TAF4: variants seen among roughly 807,000 people sequenced by gnomAD.
The protein encoded by TAF4 is TATA-box binding protein associated factor 4, also known as transcription initiation factor TFIID subunit 4.
In TAF4, 9 loss-of-function variants were observed where a neutral mutation model predicts 90.3. The ratio of observed to expected loss-of-function variants is 0.10; its 90% CI spans 0.06 to 0.17. TAF4 has a LOEUF of 0.17. TAF4 is among the 10% of genes least tolerant of loss of function. TAF4 has a pLI of 1.00. For missense variants in TAF4, 1,351 were observed against 1,370.7 expected (o/e 0.99, Z 0.23); for synonymous variants, 818 against 638.9 (o/e 1.28, Z -4.23).
chr20:62,030,494 A>G (rs1292025471), intron 1 of TAF4, among the ~76,000 whole-genome samples: 1 of 152,194 alleles, frequency 6.6e-6, no homozygotes, highest in African/African-American at 2.4e-5. Flanking sequence ...AGCAGTGCCC[A>G]TTTCGGCTTT....
chr20:62,065,230 G>A lies in TAF4; in HGVS notation c.581C>T (p.Ala194Val), dbSNP rs1438158911. ...PGPGKPAGPG[A>V]AQTLNGSAAL... ...GGCGCTCCCATTCAAAGTTTGCGCG[G>A]CGCCGGGGCCGGCGGGCTTGCCAGG... Residue 194 changes from alanine (A) to valine (V), a missense_variant, in exon 1 of 15, where the codon GCC becomes GTC. Ala to Val is a moderately conservative substitution (Grantham distance 64). This residue lies in a region of TAF4 where 782 missense variants were observed against 536.6 expected (regional missense o/e 1.46). Transcript: ENST00000252996. The A allele has an allele frequency of 3.3e-5, 37 of 1,126,706 alleles. No individual in the cohort carries two copies. Among genetic ancestry groups the A allele is most frequent in the Middle Eastern group, 4.0e-4 (1 of 2,472 alleles). The allele number at this position is 1,126,706 out of a possible 1,614,324, so 69.8% of individuals were successfully genotyped here.
chr20:61,976,182 C>A lies in TAF4; in HGVS notation c.3244G>T (p.Ala1082Ser). 1 of 1,614,050 alleles carries A rather than the reference C, an allele frequency of 6.2e-7. No individual in the cohort carries two copies. Among genetic ancestry groups the A allele is most frequent in the South Asian group, 1.1e-5 (1 of 91,080 alleles). ...GTCCTCCTGTGTCACTTAAGGAATG[C>A]TTTGTAGAGCAGCAGTGAATGGCTT... ...ETSHSLLLYK[A>S]FLK Residue 1082 changes from alanine to serine, a missense_variant, in exon 15 of 15, where the codon GCA becomes TCA. Transcript: ENST00000252996.
At chr20:62,017,748 C>T (rs1450946301) in intron 1 of TAF4, among the ~76,000 whole-genome samples, 1 of 151,888 alleles carries the variant, frequency 6.6e-6, no homozygotes. Context: ...GAAGCAGAAT[C>T]GCTTGAACCT....
chr20:62,051,590 G>A (rs2056027825), intron 1 of TAF4, among the ~76,000 whole-genome samples: 1 of 151,952 alleles, frequency 6.6e-6, no homozygotes, highest in Non-Finnish European at 1.5e-5. Context: ...TCCCAGACCT[G>A]TTTTCCCACC....
chr20:62,028,273 T>C (rs1417161517), intron 1 of TAF4, among the ~76,000 whole-genome samples: 1 of 152,194 alleles, frequency 6.6e-6, no homozygotes, highest in Non-Finnish European at 1.5e-5. Context: ...CCCAAAAAAA[T>C]GCTACCTCCT....
intron 13 of TAF4, 40 bp from the exon 14 acceptor site, chr20:61,997,709 C>A (rs1322035231): frequency 6.3e-7 from 1 of 1,584,796 alleles, no homozygotes; most frequent in Admixed American, 1.8e-5. Context: ...TCATTTCTTG[C>A]ATGTTTTTTA....
chr20:62,045,208 G>A (rs774302314), intron 1 of TAF4, among the ~76,000 whole-genome samples: 5 of 152,282 alleles, frequency 3.3e-5, no homozygotes, highest in African/African-American at 1.2e-4. Flanking sequence ...GATGCTCCCC[G>A]CTCAGGACTG....
At chr20:62,014,876 T>C (rs2055803962) in intron 1 of TAF4, among the ~76,000 whole-genome samples, 169 bp from the exon 2 acceptor site, 1 of 152,134 alleles carries the variant, frequency 6.6e-6, no homozygotes, top group Admixed American at 6.5e-5. Flanking sequence ...CAAGATGGTA[T>C]ACAAGACAAA....
chr20:62,007,582 A>G lies in TAF4; in HGVS notation c.1939T>C (p.Ser647Pro). ...GGCACAAGGTAAGGTTGAGGTGAAG[A>G]ATTAAGTTCTCGGTATAACCTGCTT... The part of the protein sequence containing the change: ...FTSRLYRELN[S>P]SPQPYLVPFL... Residue 647 changes from serine (S) to proline (P), a missense_variant, in exon 6 of 15, where the codon TCT (serine) becomes CCT (proline). Transcript: ENST00000252996. 1 of 1,612,794 alleles carries G rather than the reference A, an allele frequency of 6.2e-7. No individual in the cohort carries two copies. Among genetic ancestry groups the G allele is most frequent in the African/African-American group, 1.3e-5 (1 of 74,960 alleles).
intron 12 of TAF4, among the ~76,000 whole-genome samples, chr20:61,998,664 A>G (rs1485986045): frequency 6.6e-6 from 1 of 152,162 alleles, no homozygotes; most frequent in African/African-American, 2.4e-5. Context: ...AATGTTCTAG[A>G]ACAAGGACAA....
chr20:61,983,090 C>T (rs934610743), intron 14 of TAF4, among the ~76,000 whole-genome samples: 1 of 151,940 alleles, frequency 6.6e-6, no homozygotes, highest in Non-Finnish European at 1.5e-5. Context: ...GTGTGCCTCC[C>T]CTGTGGAGGT....
Position 62,065,775 on chromosome 20 carries a change from G to T in TAF4, c.36C>A (p.Phe12Leu). 1 of 1,339,238 alleles carries T rather than the reference G, an allele frequency of 7.5e-7. No homozygotes were observed. The highest frequency in any genetic ancestry group is 4.1e-5 in the East Asian group (1 of 24,166). 83.0% of individuals were successfully genotyped at this position (1,339,238 alleles called of 1,614,324 possible). The change falls in exon 1 of 15, where the codon TTC becomes TTA. Residue 12 changes from phenylalanine to leucine, a missense_variant. Physicochemically the swap from Phe to Leu is conservative, Grantham distance 22. Around this residue, in one of 9 missense-constraint regions of TAF4, gnomAD observed 782 missense variants for 536.6 expected, o/e 1.46. Transcript: ENST00000252996. ...CTTTCTCGTCCACCTCGCTGTTGAA[G>T]AAGACCTCGTCCAGCAGATCCGAGC... ...AAGSDLLDEVFFNSEVDEKVV... is the reference protein window; with the variant it reads ...AAGSDLLDEVLFNSEVDEKVV...
intron 4 of TAF4, 98 bp from the exon 5 acceptor site, chr20:62,009,272 T>C (rs2296087): frequency 2.5e-6 from 3 of 1,208,222 alleles, no homozygotes; most frequent in Admixed American, 2.8e-5. Flanking sequence ...AAAAGATACA[T>C]ATATTTCTTC....
chr20:62,051,252 C>T (rs1049772629), intron 1 of TAF4, among the ~76,000 whole-genome samples: 113 of 152,308 alleles, frequency 7.4e-4, no homozygotes, highest in African/African-American at 2.7e-3. Flanking sequence ...TGCGCCCCAG[C>T]CAGTCACAGA....
At chr20:62,029,640 G>A (rs2055893556) in intron 1 of TAF4, among the ~76,000 whole-genome samples, 1 of 152,188 alleles carries the variant, frequency 6.6e-6, no homozygotes, top group South Asian at 2.1e-4. Context: ...GGGAGTGGTG[G>A]CTCACGCCTG....
intron 14 of TAF4, among the ~76,000 whole-genome samples, chr20:61,983,292 C>T (rs201377444): frequency 1.9e-5 from 2 of 104,928 alleles, no homozygotes; most frequent in African/African-American, 7.1e-5. Flanking sequence ...TTCCTAAATA[C>T]AAAAAAAAAA....
Position 62,000,614 on chromosome 20 carries a change from C to T in TAF4, c.2594G>A (p.Arg865Gln), listed in dbSNP as rs754003373. 1.2e-6 allele frequency: 2 copies of T among 1,614,246 alleles called. No individual in the cohort carries two copies. Among genetic ancestry groups the T allele is most frequent in the African/African-American group, 1.3e-5 (1 of 75,064 alleles). ...GAGGAAGGTTTCATCTTTACAGGAC[C>T]GCGTTAGCGTGCCCACCAATTCAGA... Reference protein sequence around the residue: ...TNSELVGTLTRSCKDETFLLQ... With the variant: ...TNSELVGTLTQSCKDETFLLQ... The change falls in exon 10 of 15, where the codon CGG becomes CAG. Residue 865 changes from arginine to glutamine, a missense_variant. Around this residue, in one of 9 missense-constraint regions of TAF4, gnomAD observed 95 missense variants for 151.3 expected, o/e 0.63. Transcript: ENST00000252996.
At chr20:62,029,766 C>T (rs1179587147) in intron 1 of TAF4, among the ~76,000 whole-genome samples, 9 of 152,060 alleles carry the variant, frequency 5.9e-5, no homozygotes, top group African/African-American at 1.2e-4. Context: ...ATTAGCTGGG[C>T]GTGGGAGCAC....
intron 1 of TAF4, among the ~76,000 whole-genome samples, chr20:62,024,813 T>C (rs1035709242): frequency 2.6e-5 from 4 of 151,106 alleles, no homozygotes; most frequent in Admixed American, 2.6e-4. Context: ...GAGCTTACAG[T>C]GAGCCGAGAT....
Sources: allele counts gnomAD v4.1 joint callset (sites outside exome capture counted in the v4.1 genomes callset), GRCh38; gene constraint gnomAD v4.1.1; regional missense constraint gnomAD v4.1.1; transcripts MANE v1.5; gene names NCBI Gene and HGNC (gene_info 2026-07-23, HGNC 2026-07-21).